The following CNTN6 variants were observed in gnomAD, a reference collection of about 807,000 sequenced individuals.
CNTN6 encodes the protein contactin-6.
In CNTN6, 137 loss-of-function variants were observed where a neutral mutation model predicts 122.8. The ratio of observed to expected loss-of-function variants is 1.12; its 90% confidence interval spans 0.97 to 1.29. CNTN6 has a LOEUF of 1.29. Among genes scored for constraint, CNTN6 ranks in the 50% most tolerant of loss-of-function variants. The probability of loss-of-function intolerance (pLI) is 0.00; values close to 1 mark genes in which losing one functional copy is unlikely to be tolerated. For synonymous variants in CNTN6, 570 were observed against 426.0 expected, an observed-to-expected ratio of 1.34 and a Z score of -4.16; for missense variants, 1,634 against 1,223.4, an observed-to-expected ratio of 1.34 and a Z score of -5.01.
intron 11 of CNTN6, among the ~76,000 whole-genome samples, chr3:1,348,157 C>CAAAAAAAAAAAAAAA (rs532282828): frequency 0.07 from 4,458 of 63,738 alleles, 578 homozygotes; most frequent in African/African-American, 0.089. Context: ...ATGCTATAGA[C>CAAAAAAAAAAAAAAA]AAAAAAAAAA....
chr3:1,308,333 G>A (rs371409439), intron 7 of CNTN6, among the ~76,000 whole-genome samples: 1 of 144,010 alleles, frequency 6.9e-6, no homozygotes, highest in Non-Finnish European at 1.5e-5. Flanking sequence ...GCACCTGTTA[G>A]CACTTTCTTA....
intron 3 of CNTN6, among the ~76,000 whole-genome samples, chr3:1,221,998 T>C (rs1278661910): frequency 6.6e-6 from 1 of 152,136 alleles, no homozygotes; most frequent in Admixed American, 6.6e-5. Context: ...GATTAATGAG[T>C]TAAATGACTT....
chr3:1,219,281 A>C (rs940997976), intron 2 of CNTN6, among the ~76,000 whole-genome samples: 1 of 152,208 alleles, frequency 6.6e-6, no homozygotes, highest in Non-Finnish European at 1.5e-5. Context: ...GACAGATAGA[A>C]GTCTTAACCT....
chr3:1,395,960 T>C (rs939253579), intron 20 of CNTN6, among the ~76,000 whole-genome samples: 1 of 152,154 alleles, frequency 6.6e-6, no homozygotes, highest in African/African-American at 2.4e-5. Flanking sequence ...ACCACTGTGC[T>C]CCTTTATCAC....
At chr3:1,318,803 G>T (rs947075797) in intron 7 of CNTN6, among the ~76,000 whole-genome samples, 19 of 151,780 alleles carry the variant, frequency 1.3e-4, no homozygotes, top group Admixed American at 1.3e-3. Flanking sequence ...GGTACTTTCA[G>T]TTCTCTCTTT....
chr3:1,258,717 T>G (rs1559633790), intron 4 of CNTN6, among the ~76,000 whole-genome samples: 2 of 152,118 alleles, frequency 1.3e-5, no homozygotes, highest in Non-Finnish European at 2.9e-5. Flanking sequence ...AAGACCTATA[T>G]CTCCAGTTCA....
rs541499222 is a variant in CNTN6 at position 1,318,860 on chromosome 3, A to G, written c.762-2790A>G. Among the ~76,000 whole-genome samples the G allele has an allele frequency of 3.9e-5, 6 of 151,904 alleles. No homozygotes were observed. The South Asian group carries it at 1.2e-3, about 32-fold the overall frequency. On this transcript the variant is annotated intron_variant, in intron 7 of 22. Coordinates refer to ENST00000446702, the MANE Select transcript of CNTN6 (RefSeq NM_001289080.2). ...CAGCTTGAGGACAGTGTCCAAAAAG[A>G]GATAACATGTACTGGCTCTTAAGGG...
chr3:1,199,295 T>G (rs745826697), intron 2 of CNTN6, among the ~76,000 whole-genome samples: 36 of 148,566 alleles, frequency 2.4e-4, no homozygotes, highest in Non-Finnish European at 4.9e-4. Context: ...TTCTCTCACC[T>G]CAGCCTCCCT....
chr3:1,362,975 A>AT (rs1707691076), intron 12 of CNTN6, among the ~76,000 whole-genome samples: 1 of 151,926 alleles, frequency 6.6e-6, no homozygotes, highest in South Asian at 2.1e-4. Flanking sequence ...ATGAAATGAC[A>AT]TTTTTAATGC....
intron 11 of CNTN6, among the ~76,000 whole-genome samples, chr3:1,345,335 C>T (rs187656323): frequency 5.1e-4 from 77 of 152,058 alleles, no homozygotes; most frequent in Admixed American, 1.1e-3. Flanking sequence ...AGTCTGGTCT[C>T]GAACTCCTGA....
At chr3:1,331,364 A>C (rs1204168861) in intron 11 of CNTN6, among the ~76,000 whole-genome samples, 1 of 151,998 alleles carries the variant, frequency 6.6e-6, no homozygotes, top group African/African-American at 2.4e-5. Flanking sequence ...AAAAGGGTGA[A>C]CATGTAAAGC....
intron 1 of CNTN6, among the ~76,000 whole-genome samples, chr3:1,143,234 C>G (rs1281915078): frequency 1.3e-5 from 2 of 151,880 alleles, no homozygotes; most frequent in African/African-American, 4.8e-5. Context: ...TGATTATAGA[C>G]CTGTACATAC....
At chr3:1,352,221 C>T in intron 11 of CNTN6, 103 bp from the exon 12 acceptor site, 1 of 1,025,752 alleles carries the variant, frequency 9.7e-7, no homozygotes, top group Non-Finnish European at 1.4e-6. Context: ...CATATTATCA[C>T]ATACACCCAT....
intron 7 of CNTN6, among the ~76,000 whole-genome samples, chr3:1,299,016 A>C (rs188424311): frequency 6.6e-6 from 1 of 152,270 alleles, no homozygotes; most frequent in East Asian, 1.9e-4. Flanking sequence ...CAATCCAAAT[A>C]ATGGTGGTTA....
chr3:1,115,956 A>G (rs1290489242), intron 1 of CNTN6, among the ~76,000 whole-genome samples: 1 of 152,208 alleles, frequency 6.6e-6, no homozygotes, highest in Non-Finnish European at 1.5e-5. Flanking sequence ...AGTAGCAGTA[A>G]CGTCAGAATG....
At chr3:1,095,685 GA>G (rs2090489226) in intron 1 of CNTN6, among the ~76,000 whole-genome samples, 1 of 152,130 alleles carries the variant, frequency 6.6e-6, no homozygotes, top group Admixed American at 6.5e-5. Flanking sequence ...ATAGTTTGAA[GA>G]TTTTTTTGGA....
intron 1 of CNTN6, among the ~76,000 whole-genome samples, chr3:1,104,785 T>C (rs915298993): frequency 1.3e-5 from 2 of 152,182 alleles, no homozygotes; most frequent in South Asian, 4.1e-4. Flanking sequence ...AATACAAAAT[T>C]GAAATTAATG....
intron 1 of CNTN6, among the ~76,000 whole-genome samples, chr3:1,110,984 G>A (rs2091456033): frequency 1.3e-5 from 2 of 152,146 alleles, no homozygotes; most frequent in Non-Finnish European, 2.9e-5. Flanking sequence ...ATTGGCCAGA[G>A]ACATACACTT....
intron 20 of CNTN6, among the ~76,000 whole-genome samples, chr3:1,394,857 T>C (rs1481332046): frequency 2.0e-5 from 3 of 152,120 alleles, no homozygotes; most frequent in Non-Finnish European, 4.4e-5. Context: ...GAGTAGGAGA[T>C]AAAAATTTTC....
Sources: gnomAD v4.1 joint callset for allele counts (sites outside exome capture counted in the v4.1 genomes callset) on GRCh38, gnomAD v4.1.1 for gene constraint, MANE v1.5 for transcripts, NCBI Gene and HGNC (gene_info 2026-07-23, HGNC 2026-07-21) for gene names.